The following DCC variants were observed in gnomAD, a reference collection of about 807,000 sequenced individuals.
The protein encoded by DCC is netrin receptor DCC.
In DCC, 58 loss-of-function variants were observed where a neutral mutation model predicts 172.5. The observed-to-expected ratio is 0.34, with a 90% confidence interval of 0.27 to 0.42. The LOEUF is 0.42. DCC is among the 10% of genes least tolerant of loss of function. The pLI is 1.00. For missense variants in DCC, 1,740 were observed against 1,791.0 expected, an observed-to-expected ratio of 0.97 and a Z score of 0.51; for synonymous variants, 709 against 644.5, an observed-to-expected ratio of 1.10 and a Z score of -1.52.
intron 12 of DCC, among the ~76,000 whole-genome samples, chr18:53,249,305 C>G (rs1021584588): frequency 1.3e-5 from 2 of 151,704 alleles, no homozygotes; most frequent in African/African-American, 4.8e-5. Context: ...AATAAATTGC[C>G]AATGTATGTG....
At chr18:52,608,546 G>T (rs1025456970) in intron 1 of DCC, among the ~76,000 whole-genome samples, 1 of 152,204 alleles carries the variant, frequency 6.6e-6, no homozygotes, top group Non-Finnish European at 1.5e-5. Flanking sequence ...TAAAGATATA[G>T]TAGTGTGAAA....
intron 5 of DCC, among the ~76,000 whole-genome samples, chr18:53,007,622 T>TAC (rs1160420444): frequency 2.0e-5 from 3 of 152,072 alleles, no homozygotes; most frequent in Non-Finnish European, 4.4e-5. Flanking sequence ...TGTGTATATA[T>TAC]ACACACACAT....
chr18:52,573,233 A>T (rs1304096322), intron 1 of DCC, among the ~76,000 whole-genome samples: 1 of 152,140 alleles, frequency 6.6e-6, no homozygotes, highest in Non-Finnish European at 1.5e-5. Flanking sequence ...ATTTAAATGT[A>T]TATTTAAACA....
chr18:52,551,757 C>CACAT (rs1555696376), intron 1 of DCC, among the ~76,000 whole-genome samples: 1,400 of 139,534 alleles, frequency 0.01, 256 homozygotes, highest in African/African-American at 0.029. Flanking sequence ...CACACACACA[C>CACAT]ACACACACAC....
At chr18:53,514,584 C>CAAAT (rs2046309687) in intron 27 of DCC, among the ~76,000 whole-genome samples, 1 of 152,030 alleles carries the variant, frequency 6.6e-6, no homozygotes, top group African/African-American at 2.4e-5. Context: ...AGAGAAGAAT[C>CAAAT]AAATAGACAC....
At chr18:53,338,552 G>C (rs2057617415) in intron 14 of DCC, among the ~76,000 whole-genome samples, 1 of 152,210 alleles carries the variant, frequency 6.6e-6, no homozygotes, top group Non-Finnish European at 1.5e-5. Context: ...AGTGAGCCGA[G>C]ATCGTGCCAC....
At chr18:52,787,252 C>A (rs1012215503) in intron 2 of DCC, among the ~76,000 whole-genome samples, 1 of 152,124 alleles carries the variant, frequency 6.6e-6, no homozygotes, top group African/African-American at 2.4e-5. Flanking sequence ...AAGTCCCATA[C>A]ATTCTTTCTC....
chr18:53,180,399 C>T (rs905893360), intron 9 of DCC, among the ~76,000 whole-genome samples: 34 of 152,254 alleles, frequency 2.2e-4, no homozygotes, highest in South Asian at 8.3e-4. Flanking sequence ...GAAATGCAGG[C>T]CCCCAGGCAT....
At chr18:52,849,125 G>T (rs1165454570) in intron 2 of DCC, among the ~76,000 whole-genome samples, 2 of 151,914 alleles carry the variant, frequency 1.3e-5, no homozygotes, top group East Asian at 3.9e-4. Context: ...GTTCTAGGAG[G>T]TATGTAAACA....
At chr18:53,526,943 A>G (rs1294320378) in intron 28 of DCC, 184 bp downstream of exon 28, 2 of 641,456 alleles carry the variant, frequency 3.1e-6, no homozygotes, top group African/African-American at 3.7e-5. Flanking sequence ...AAGCTATGAA[A>G]AAAAATTATG....
At chr18:52,612,242 C>T (rs1452082354) in intron 1 of DCC, among the ~76,000 whole-genome samples, 4 of 152,142 alleles carry the variant, frequency 2.6e-5, no homozygotes, top group Admixed American at 2.6e-4. Flanking sequence ...CCACCCTGCA[C>T]TCAGTTATTC....
At chr18:53,256,540 C>T (rs1340437541) in intron 12 of DCC, among the ~76,000 whole-genome samples, 1 of 152,070 alleles carries the variant, frequency 6.6e-6, no homozygotes, top group East Asian at 1.9e-4. Context: ...GGCATTATTT[C>T]TGAGGGCTCT....
chr18:52,761,833 C>T (rs1459178590), intron 2 of DCC, among the ~76,000 whole-genome samples: 2 of 146,138 alleles, frequency 1.4e-5, no homozygotes, highest in African/African-American at 5.2e-5. Flanking sequence ...GTCGTGCACC[C>T]AGGAGGCAGA....
intron 7 of DCC, among the ~76,000 whole-genome samples, chr18:53,109,891 GTTAA>G (rs2043305062): frequency 6.6e-6 from 1 of 151,216 alleles, no homozygotes; most frequent in East Asian, 2.0e-4. Flanking sequence ...CTGTGCATTT[GTTAA>G]TTTATTTCTA....
At chr18:53,000,702 C>G (rs2041552031) in intron 5 of DCC, among the ~76,000 whole-genome samples, 1 of 147,356 alleles carries the variant, frequency 6.8e-6, no homozygotes, top group African/African-American at 2.5e-5. Flanking sequence ...AGACAAAAGT[C>G]AGGGACAGGA....
chr18:53,043,399 A>G (rs568697776), intron 5 of DCC, among the ~76,000 whole-genome samples: 2 of 151,980 alleles, frequency 1.3e-5, no homozygotes, highest in Non-Finnish European at 2.9e-5. Flanking sequence ...CCACCATGGC[A>G]CATGTATACC....
intron 2 of DCC, among the ~76,000 whole-genome samples, chr18:52,804,041 C>T (rs987665315): frequency 2.6e-5 from 4 of 152,100 alleles, no homozygotes; most frequent in African/African-American, 9.7e-5. Flanking sequence ...GTGTGGGTGC[C>T]AGTGGTGGCA....
chr18:52,730,563 C>A (rs1358502984), intron 1 of DCC, among the ~76,000 whole-genome samples: 3 of 152,074 alleles, frequency 2.0e-5, no homozygotes, highest in Non-Finnish European at 2.9e-5. Context: ...AAACATGGAA[C>A]CCTTGTGTAC....
At chr18:52,639,585 T>C (rs1347227731) in intron 1 of DCC, among the ~76,000 whole-genome samples, 1 of 151,908 alleles carries the variant, frequency 6.6e-6, no homozygotes, top group Non-Finnish European at 1.5e-5. Flanking sequence ...CCTGGAAAAA[T>C]ATAACCCTCC....
Sources: gnomAD v4.1 joint callset for allele counts (sites outside exome capture counted in the v4.1 genomes callset) on GRCh38, gnomAD v4.1.1 for gene constraint, MANE v1.5 for transcripts, NCBI Gene and HGNC (gene_info 2026-07-23, HGNC 2026-07-21) for gene names.